Variants in KIAA1217 observed in about 807,000 individuals in gnomAD.
The protein encoded by KIAA1217 is KIAA1217.
In KIAA1217, 88 loss-of-function variants were observed where a neutral mutation model predicts 163.9. The observed-to-expected ratio is 0.54, with a 90% CI of 0.45 to 0.64. The LOEUF is 0.64. Ranked by LOEUF, KIAA1217 falls within the 30% of genes least tolerant of loss-of-function variation. The pLI, the probability that KIAA1217 is intolerant of heterozygous loss-of-function variation, is 0.00. For synonymous variants in KIAA1217, 903 were observed against 923.1 expected (o/e 0.98, Z 0.39); for missense variants, 2,372 against 2,475.0 (o/e 0.96, Z 0.88).
At position 24,445,453 on chromosome 10, in the gene KIAA1217, A is replaced by G. The variant is rs184960450; in HGVS notation, c.846+6974A>G. Among the ~76,000 whole-genome samples, 589 of 151,886 alleles carry G rather than the reference A, an allele frequency of 3.9e-3. 2 individuals carry two copies. Among genetic ancestry groups the G allele is most frequent in the African/African-American group, 0.013 (533 of 41,456 alleles). On this transcript the variant is annotated intron_variant, in intron 5 of 20. Transcript: ENST00000376454. ...ACGTGCAGGTTTGTTACATATGTAT[A>G]CATGTGCCATGTTGGTGTGCTGCAC...
chr10:24,271,923 C>T (rs937417862), intron 2 of KIAA1217, among the ~76,000 whole-genome samples: 5 of 151,792 alleles, frequency 3.3e-5, no homozygotes, highest in Admixed American at 2.0e-4. Flanking sequence ...ATAAGATAGC[C>T]CACTTAAAAG....
intron 2 of KIAA1217, among the ~76,000 whole-genome samples, chr10:24,083,485 T>G (rs1176762121): frequency 6.6e-6 from 1 of 152,240 alleles, no homozygotes; most frequent in Admixed American, 6.5e-5. Context: ...CAATAATTGC[T>G]TGCTAGCCTT....
chr10:24,100,067 C>A (rs895045517), intron 2 of KIAA1217, among the ~76,000 whole-genome samples: 1 of 151,952 alleles, frequency 6.6e-6, no homozygotes, highest in Non-Finnish European at 1.5e-5. Context: ...CTCCTCCTCC[C>A]CTCCCTCTCC....
chr10:24,473,856 C>A lies in KIAA1217; in HGVS notation c.1475C>A (p.Ala492Asp). 1 of 1,614,110 alleles carries A rather than the reference C, an allele frequency of 6.2e-7. No individual in the cohort carries two copies. The change falls in exon 6 of 21, where the codon GCC becomes GAC. Residue 492 changes from alanine (A) to aspartate (D), a missense_variant. Coordinates refer to ENST00000376454, the MANE Select transcript of KIAA1217 (RefSeq NM_019590.5). ...RMIDMHAHYN[A>D]HGPPHTMQPD... ...ATAGACATGCACGCTCACTATAATG[C>A]CCACGGCCCCCCTCACACCATGCAG...
At chr10:24,077,513 A>G (rs1355689336) in intron 2 of KIAA1217, among the ~76,000 whole-genome samples, 2 of 152,148 alleles carry the variant, frequency 1.3e-5, no homozygotes, top group South Asian at 2.1e-4. Flanking sequence ...ACATGATCTC[A>G]TTCCTTTTTA....
At chr10:23,699,731 C>A (rs565587680) in intron 1 of KIAA1217, among the ~76,000 whole-genome samples, 4 of 152,294 alleles carry the variant, frequency 2.6e-5, no homozygotes, top group African/African-American at 7.2e-5. Flanking sequence ...CTCAAGTGAT[C>A]CTCACACCTT....
At chr10:24,341,055 G>A (rs2133824863) in intron 2 of KIAA1217, among the ~76,000 whole-genome samples, 1 of 152,054 alleles carries the variant, frequency 6.6e-6, no homozygotes, top group African/African-American at 2.4e-5. Context: ...TAGATACTGT[G>A]TTGTACTCAA....
At chr10:24,026,539 T>G (rs1333685875) in intron 2 of KIAA1217, among the ~76,000 whole-genome samples, 2 of 151,838 alleles carry the variant, frequency 1.3e-5, no homozygotes, top group Admixed American at 6.6e-5. Context: ...GTTTTCAAAT[T>G]TATTGGTATA....
chr10:24,276,228 A>G (rs959517535), intron 2 of KIAA1217, among the ~76,000 whole-genome samples: 3 of 152,206 alleles, frequency 2.0e-5, no homozygotes, highest in African/African-American at 7.2e-5. Flanking sequence ...TTTGCTGATC[A>G]TCCATCTTAT....
At chr10:24,194,944 C>G (rs2066914365) in intron 2 of KIAA1217, among the ~76,000 whole-genome samples, 1 of 151,954 alleles carries the variant, frequency 6.6e-6, no homozygotes, top group African/African-American at 2.4e-5. Flanking sequence ...CTGTTCTTCT[C>G]TGTACGAGGA....
intron 1 of KIAA1217, among the ~76,000 whole-genome samples, chr10:23,718,849 G>T (rs1489232066): frequency 2.1e-5 from 3 of 144,434 alleles, no homozygotes; most frequent in African/African-American, 5.7e-5. Context: ...AGGGAGGGAG[G>T]GGGAGAGAGA....
At chr10:23,806,488 G>A (rs1588859114) in intron 1 of KIAA1217, among the ~76,000 whole-genome samples, 1 of 151,970 alleles carries the variant, frequency 6.6e-6, no homozygotes, top group East Asian at 1.9e-4. Flanking sequence ...CCTTGGTGAT[G>A]GTCTTCCATT....
At chr10:23,844,006 A>T (rs1249040943) in intron 1 of KIAA1217, among the ~76,000 whole-genome samples, 2 of 152,202 alleles carry the variant, frequency 1.3e-5, no homozygotes, top group African/African-American at 4.8e-5. Flanking sequence ...GAGAATTAAT[A>T]CACCATTATA....
intron 8 of KIAA1217, among the ~76,000 whole-genome samples, chr10:24,496,299 C>T (rs1025753853): frequency 2.0e-5 from 3 of 152,248 alleles, no homozygotes; most frequent in Non-Finnish European, 4.4e-5. Context: ...AATCAGTGGC[C>T]TTGGCCGAAG....
intron 1 of KIAA1217, among the ~76,000 whole-genome samples, chr10:23,857,687 C>A (rs757402596): frequency 2.6e-5 from 4 of 152,092 alleles, no homozygotes; most frequent in Non-Finnish European, 5.9e-5. Context: ...CACATTGCCT[C>A]TAAGAATTTC....
intron 2 of KIAA1217, among the ~76,000 whole-genome samples, chr10:24,328,695 CA>C (rs1343698266): frequency 6.6e-6 from 1 of 152,062 alleles, no homozygotes; most frequent in East Asian, 1.9e-4. Context: ...AATATCCTCA[CA>C]AACAATGTAA....
intron 2 of KIAA1217, among the ~76,000 whole-genome samples, chr10:24,103,537 T>C (rs1470331221): frequency 6.6e-6 from 1 of 152,120 alleles, no homozygotes; most frequent in East Asian, 1.9e-4. Flanking sequence ...TGCAACGAAC[T>C]CTTAAAACCC....
At chr10:24,363,776 T>G (rs888396679) in intron 2 of KIAA1217, among the ~76,000 whole-genome samples, 1 of 151,910 alleles carries the variant, frequency 6.6e-6, no homozygotes, top group South Asian at 2.1e-4. Context: ...CTCATTGTGT[T>G]GCCCAAGCTG....
intron 3 of KIAA1217, among the ~76,000 whole-genome samples, chr10:24,416,385 G>A (rs544740591): frequency 6.6e-6 from 1 of 152,190 alleles, no homozygotes; most frequent in Admixed American, 6.5e-5. Flanking sequence ...CCTGTTCATA[G>A]AGTGGACAGC....
Sources: gnomAD v4.1 joint callset for allele counts (sites outside exome capture counted in the v4.1 genomes callset) on GRCh38, gnomAD v4.1.1 for gene constraint, MANE v1.5 for transcripts, NCBI Gene and HGNC (gene_info 2026-07-23, HGNC 2026-07-21) for gene names.